The following NDST4 variants were observed in gnomAD, a reference collection of about 807,000 sequenced individuals.
NDST4 encodes N-deacetylase and N-sulfotransferase 4, also known as N-heparan sulfate sulfotransferase 4.
Under a neutral mutation model 100.8 loss-of-function variants are expected in NDST4, and 63 were observed. The observed-to-expected ratio is 0.62, with a 90% CI of 0.51 to 0.77. NDST4 has a LOEUF of 0.77. Ranked by LOEUF, NDST4 falls within the 30% of genes least tolerant of loss-of-function variation. NDST4 has a pLI of 0.00. For synonymous variants in NDST4, 377 were observed against 361.8 expected, an observed-to-expected ratio of 1.04 and a Z score of -0.48; for missense variants, 943 against 1,018.4, an observed-to-expected ratio of 0.93 and a Z score of 1.01.
chr4:114,966,970 C>T (rs1233302824), intron 4 of NDST4, among the ~76,000 whole-genome samples: 1 of 152,024 alleles, frequency 6.6e-6, no homozygotes, highest in Non-Finnish European at 1.5e-5. Flanking sequence ...AAATAAGTTG[C>T]CAATTTTATC....
chr4:114,917,317 C>G (rs767428964), intron 6 of NDST4, among the ~76,000 whole-genome samples: 27 of 152,268 alleles, frequency 1.8e-4, no homozygotes, highest in Admixed American at 5.9e-4. Flanking sequence ...TACTCATATA[C>G]AGAAGGCCAA....
intron 2 of NDST4, among the ~76,000 whole-genome samples, chr4:115,038,802 C>A (rs1728287679): frequency 6.6e-6 from 1 of 152,016 alleles, no homozygotes; most frequent in South Asian, 2.1e-4. Flanking sequence ...ATAGTAAAAC[C>A]CTGTGTCCAC....
At chr4:114,983,742 G>T (rs1726833981) in intron 2 of NDST4, among the ~76,000 whole-genome samples, 1 of 152,120 alleles carries the variant, frequency 6.6e-6, no homozygotes. Flanking sequence ...ATGAGATTTG[G>T]GAGGGGCCAG....
At chr4:114,994,964 C>T (rs1727128149) in intron 2 of NDST4, among the ~76,000 whole-genome samples, 1 of 151,876 alleles carries the variant, frequency 6.6e-6, no homozygotes, top group Admixed American at 6.6e-5. Flanking sequence ...GGATAGGTCA[C>T]TTCAGGAAGT....
intron 1 of NDST4, among the ~76,000 whole-genome samples, chr4:115,103,518 A>AT (rs1729776784): frequency 1.3e-5 from 2 of 152,084 alleles, no homozygotes; most frequent in Admixed American, 6.6e-5. Context: ...TCTTTTGATT[A>AT]TTTTCTAACT....
intron 2 of NDST4, among the ~76,000 whole-genome samples, chr4:115,005,108 C>T (rs867189425): frequency 1.3e-5 from 2 of 152,114 alleles, no homozygotes; most frequent in Non-Finnish European, 2.9e-5. Flanking sequence ...TGTCACTATA[C>T]TGCCTACAAA....
chr4:115,016,051 G>A (rs1035074426), intron 2 of NDST4, among the ~76,000 whole-genome samples: 3 of 151,972 alleles, frequency 2.0e-5, no homozygotes, highest in African/African-American at 7.3e-5. Flanking sequence ...TACCATCCGT[G>A]AACTTTTAGA....
At chr4:114,971,673 A>AT (rs570664719) in intron 3 of NDST4, among the ~76,000 whole-genome samples, 55 of 152,112 alleles carry the variant, frequency 3.6e-4, no homozygotes, top group Non-Finnish European at 5.6e-4. Flanking sequence ...TGGATGTTTG[A>AT]TTTTTTATTT....
intron 6 of NDST4, among the ~76,000 whole-genome samples, chr4:114,914,903 T>C (rs1725137752): frequency 6.6e-6 from 1 of 152,138 alleles, no homozygotes; most frequent in Non-Finnish European, 1.5e-5. Flanking sequence ...ATAGGTAACT[T>C]GGACTCAAGA....
chr4:115,014,473 A>G (rs1007914824), intron 2 of NDST4, among the ~76,000 whole-genome samples: 4 of 152,112 alleles, frequency 2.6e-5, no homozygotes, highest in African/African-American at 9.7e-5. Context: ...TCTAAGGTGA[A>G]GGATAAGTTG....
chr4:115,098,130 T>A (rs1053064380), intron 1 of NDST4, among the ~76,000 whole-genome samples: 2 of 152,164 alleles, frequency 1.3e-5, no homozygotes, highest in South Asian at 4.1e-4. Context: ...ATCACTCCAA[T>A]TAAAATGCAA....
chr4:114,956,395 T>C (rs527535578), intron 4 of NDST4, among the ~76,000 whole-genome samples: 1 of 152,238 alleles, frequency 6.6e-6, no homozygotes, highest in South Asian at 2.1e-4. Flanking sequence ...ACAGTAGAGA[T>C]TTTAACAGTA....
intron 10 of NDST4, among the ~76,000 whole-genome samples, chr4:114,840,266 G>C (rs1311321857): frequency 1.3e-5 from 2 of 152,052 alleles, no homozygotes; most frequent in Non-Finnish European, 2.9e-5. Context: ...AACTATCATT[G>C]GTCAAACAGG....
chr4:114,906,085 A>G (rs1321618080), intron 6 of NDST4, among the ~76,000 whole-genome samples: 2 of 152,000 alleles, frequency 1.3e-5, no homozygotes, highest in African/African-American at 4.8e-5. Flanking sequence ...GAACCTTGGG[A>G]TCAATTTTTC....
rs184419106 is a variant in NDST4 at position 114,874,581 on chromosome 4, A to G, written c.1537-3631T>C. Among the ~76,000 whole-genome samples the G allele has an allele frequency of 1.1e-3, 163 of 152,312 alleles. 1 individual carries two copies. Among genetic ancestry groups the G allele is most frequent in the African/African-American group, 3.7e-3 (155 of 41,570 alleles). On this transcript the variant is annotated intron_variant, in intron 6 of 13. Transcript: ENST00000264363. The stretch of plus-strand genomic sequence containing the variant: ...AATTGGTTGCACTTTAAGAAAAACA[A>G]TTCTGCAAGCACAGCTTAACTGTGC...
chr4:114,969,015 T>G (rs1726445049), intron 4 of NDST4, among the ~76,000 whole-genome samples: 2 of 152,212 alleles, frequency 1.3e-5, no homozygotes, highest in Admixed American at 1.3e-4. Flanking sequence ...TGAGAGCCAC[T>G]GGTCTAGAGT....
chr4:114,847,268 T>G (rs1309283036), intron 9 of NDST4, among the ~76,000 whole-genome samples: 2 of 136,858 alleles, frequency 1.5e-5, no homozygotes, highest in Non-Finnish European at 3.0e-5. Flanking sequence ...CCCAGCTACT[T>G]GGGAGGCTGA....
chr4:115,012,459 T>A (rs1318310610), intron 2 of NDST4, among the ~76,000 whole-genome samples: 2 of 152,028 alleles, frequency 1.3e-5, no homozygotes, highest in African/African-American at 4.8e-5. Flanking sequence ...CACCATGGCT[T>A]AAGTGACCTC....
intron 2 of NDST4, among the ~76,000 whole-genome samples, chr4:114,984,148 A>G (rs1012127878): frequency 3.1e-4 from 14 of 44,690 alleles, no homozygotes; most frequent in African/African-American, 7.8e-4. Context: ...AATACTATTT[A>G]TTTATTTATT....
Sources: allele counts gnomAD v4.1 joint callset (sites outside exome capture counted in the v4.1 genomes callset), GRCh38; gene constraint gnomAD v4.1.1; transcripts MANE v1.5; gene names NCBI Gene and HGNC (gene_info 2026-07-23, HGNC 2026-07-21).